COL25A1: variants seen among roughly 807,000 people sequenced by gnomAD.
COL25A1 encodes collagen alpha-1(XXV) chain.
COL25A1 carries 103 observed loss-of-function variants against 128.4 expected under a neutral mutation model. The ratio of observed to expected loss-of-function variants is 0.80; its 90% CI spans 0.68 to 0.94. The LOEUF is 0.94. COL25A1 is among the 40% of genes least tolerant of loss of function. COL25A1 has a pLI of 0.00. For missense variants in COL25A1, 745 were observed against 840.0 expected, an observed-to-expected ratio of 0.89 and a Z score of 1.40; for synonymous variants, 279 against 277.2, an observed-to-expected ratio of 1.01 and a Z score of -0.06.
intron 5 of COL25A1, among the ~76,000 whole-genome samples, chr4:109,014,082 G>C (rs533824210): frequency 6.6e-6 from 1 of 152,136 alleles, no homozygotes; most frequent in Non-Finnish European, 1.5e-5. Context: ...CGAGGTGGGC[G>C]GTTCACTTGA....
At chr4:109,044,062 C>G (rs1009732168) in intron 5 of COL25A1, among the ~76,000 whole-genome samples, 1 of 151,450 alleles carries the variant, frequency 6.6e-6, no homozygotes, top group Non-Finnish European at 1.5e-5. Context: ...TCTGTTGCAG[C>G]CATTTTTAGC....
chr4:108,884,978 T>C (rs1740610142), intron 18 of COL25A1, among the ~76,000 whole-genome samples: 3 of 152,180 alleles, frequency 2.0e-5, no homozygotes, highest in South Asian at 2.1e-4. Flanking sequence ...AGAGGTTCCA[T>C]TGCTTAGAAA....
At chr4:109,143,255 G>A (rs907055958) in intron 3 of COL25A1, among the ~76,000 whole-genome samples, 1 of 152,150 alleles carries the variant, frequency 6.6e-6, no homozygotes, top group Non-Finnish European at 1.5e-5. Flanking sequence ...TGGCTCGCAG[G>A]GTTTCTGCAG....
intron 6 of COL25A1, among the ~76,000 whole-genome samples, chr4:108,991,017 C>T (rs191156347): frequency 3.6e-4 from 55 of 152,214 alleles, no homozygotes; most frequent in African/African-American, 1.2e-3. Flanking sequence ...ATAAAATTAT[C>T]ATTAAATCTG....
At chr4:108,996,225 T>C (rs1754752787) in intron 6 of COL25A1, among the ~76,000 whole-genome samples, 1 of 136,680 alleles carries the variant, frequency 7.3e-6, no homozygotes, top group Admixed American at 8.1e-5. Flanking sequence ...ATGAGACCCA[T>C]CTCACATGCA....
chr4:109,136,732 A>G (rs1769810024), intron 3 of COL25A1, among the ~76,000 whole-genome samples: 1 of 152,230 alleles, frequency 6.6e-6, no homozygotes, highest in African/African-American at 2.4e-5. Context: ...GCCGCTGAGA[A>G]GGCCTCAGTG....
intron 3 of COL25A1, among the ~76,000 whole-genome samples, chr4:109,240,918 C>G (rs1381714987): frequency 7.0e-6 from 1 of 142,218 alleles, no homozygotes; most frequent in East Asian, 2.1e-4. Flanking sequence ...TAAATCCTTT[C>G]AGAAACAATG....
chr4:109,180,790 A>G (rs1201393281), intron 3 of COL25A1, among the ~76,000 whole-genome samples: 2 of 152,192 alleles, frequency 1.3e-5, no homozygotes, highest in Non-Finnish European at 2.9e-5. Flanking sequence ...ATTTTAGAAA[A>G]TAAAAGCAGC....
chr4:109,075,627 T>A (rs942803182), intron 3 of COL25A1, among the ~76,000 whole-genome samples: 2 of 152,102 alleles, frequency 1.3e-5, no homozygotes. Context: ...AGACATCTAT[T>A]AACATTGAAA....
intron 19 of COL25A1, among the ~76,000 whole-genome samples, chr4:108,877,924 T>G (rs898929093): frequency 2.6e-5 from 4 of 152,204 alleles, no homozygotes; most frequent in Non-Finnish European, 5.9e-5. Flanking sequence ...TTTTATCTTC[T>G]AAAATGGTTA....
rs184826710 is a variant in COL25A1, at chr4:108,853,723, G to T, written c.1321-798C>A. 4.2e-3 allele frequency among the ~76,000 whole-genome samples: 629 copies of T among 151,388 alleles called. 4 individuals are homozygous for T. The highest frequency in any genetic ancestry group is 0.015 in the African/African-American group (603 of 41,256). ...GATGTTCCCCTCCCTGTGCCCATAT[G>T]TTCTCATTGTTCAACTCCCACTTAT... is the stretch of plus-strand genomic sequence containing the variant. On this transcript the variant is annotated intron_variant, in intron 24 of 37. Transcript: ENST00000399132.
intron 20 of COL25A1, among the ~76,000 whole-genome samples, chr4:108,864,174 T>C (rs1346792881): frequency 6.6e-6 from 1 of 152,206 alleles, no homozygotes; most frequent in Non-Finnish European, 1.5e-5. Flanking sequence ...GGAAATGGTT[T>C]GGTAAATGCC....
rs112440201 is a variant in COL25A1 at position 108,824,155 on chromosome 4, G to C, written c.1845+19C>G. On this transcript the variant is annotated intron_variant, in intron 35 of 37. Coordinates refer to ENST00000399132, the MANE Select transcript of COL25A1 (RefSeq NM_198721.4). ...AGGAGAAGAATCAAACAAGGTACAT[G>C]CTGGGATGGAGAGGTCACCTTTTCT... 1.3e-4 allele frequency: 207 copies of C among 1,614,066 alleles called. No homozygotes were observed. In the African/African-American group the frequency reaches 2.5e-3, roughly 20 times the overall value.
intron 8 of COL25A1, among the ~76,000 whole-genome samples, chr4:108,949,024 A>G (rs1307026210): frequency 6.6e-6 from 1 of 152,190 alleles, no homozygotes; most frequent in Non-Finnish European, 1.5e-5. Flanking sequence ...CCAACAGAAG[A>G]TGAGACCCCA....
intron 3 of COL25A1, among the ~76,000 whole-genome samples, chr4:109,206,333 C>T (rs780205117): frequency 9.9e-5 from 15 of 152,122 alleles, no homozygotes; most frequent in Non-Finnish European, 2.1e-4. Context: ...TCTTCTCTCT[C>T]CATAAAAATG....
intron 16 of COL25A1, among the ~76,000 whole-genome samples, chr4:108,896,194 C>T (rs955434093): frequency 6.6e-6 from 1 of 151,744 alleles, no homozygotes; most frequent in African/African-American, 2.4e-5. Flanking sequence ...ATGATCCACC[C>T]GCCTCAGCCT....
chr4:108,819,494 TC>T lies in COL25A1; in HGVS notation c.1846-166del, dbSNP rs1174379816. The stretch of plus-strand genomic sequence containing the variant: ...CAAAGTAAAATGGAGGGAGACATAT[TC>T]CTACAACAGGGGCTTGTCTGAAAAC... On this transcript the variant is annotated intron_variant, in intron 35 of 37. Transcript: ENST00000399132. Among the ~76,000 whole-genome samples the T allele has an allele frequency of 3.3e-5, 5 of 152,308 alleles. No homozygotes were observed. The East Asian group carries it at 9.7e-4, about 29-fold the overall frequency.
intron 3 of COL25A1, among the ~76,000 whole-genome samples, chr4:109,053,241 A>C (rs1478122877): frequency 6.6e-6 from 1 of 152,216 alleles, no homozygotes; most frequent in Admixed American, 6.5e-5. Context: ...ACTTTCAAAA[A>C]TAGATGCAAG....
intron 3 of COL25A1, among the ~76,000 whole-genome samples, chr4:109,205,103 C>T (rs1316083539): frequency 2.6e-5 from 4 of 152,142 alleles, no homozygotes; most frequent in Admixed American, 2.6e-4. Context: ...AATGGTTCAG[C>T]TACATCATGT....
Sources: gnomAD v4.1 joint callset for allele counts (sites outside exome capture counted in the v4.1 genomes callset) on GRCh38, gnomAD v4.1.1 for gene constraint, MANE v1.5 for transcripts, NCBI Gene and HGNC (gene_info 2026-07-23, HGNC 2026-07-21) for gene names.